UBALD2: variants seen among roughly 807,000 people sequenced by gnomAD.
UBALD2 encodes UBA like domain containing 2, also known as UBA-like domain-containing protein 2.
In UBALD2, 8 loss-of-function variants were observed where a neutral mutation model predicts 15.9. The ratio of observed to expected loss-of-function variants is 0.50; its 90% CI spans 0.29 to 0.91. The LOEUF is 0.91. UBALD2 is among the 40% of genes least tolerant of loss of function. UBALD2 has a pLI of 0.07. For missense variants in UBALD2, 178 were observed against 234.8 expected (o/e 0.76, Z 1.58); for synonymous variants, 113 against 97.7 (o/e 1.16, Z -0.93).
chr17:76,265,566 G>A lies in UBALD2; in HGVS notation c.61G>A (p.Ala21Thr). The A allele has an allele frequency of 3.0e-6, 4 of 1,338,334 alleles. No individual in the cohort carries two copies. The highest frequency in any genetic ancestry group is 1.5e-5 in the South Asian group (1 of 68,322). 82.9% of individuals were successfully genotyped at this position (1,338,334 alleles called of 1,614,324 possible). Residue 21 changes from alanine to threonine, a missense_variant, in exon 1 of 3, where the codon GCG (alanine) becomes ACG (threonine). By Grantham distance (58) the Ala-to-Thr change is moderately conservative. Coordinates refer to ENST00000327490, the MANE Select transcript of UBALD2 (RefSeq NM_182565.4). ...QVMINQFVLA[A>T]GCAADQAKQL... is the part of the protein sequence containing the mutation. Reference sequence around the variant, plus strand: ...CATGATCAACCAGTTCGTGCTGGCCGCGGGCTGCGCGGCCGACCAGGCGAA... The same window carrying A: ...CATGATCAACCAGTTCGTGCTGGCCACGGGCTGCGCGGCCGACCAGGCGAA...
At chr17:76,268,705 G>A (rs992718691) in intron 2 of UBALD2, among the ~76,000 whole-genome samples, 9 of 151,646 alleles carry the variant, frequency 5.9e-5, no homozygotes, top group South Asian at 4.2e-4. Flanking sequence ...CACAACCTCC[G>A]GTTTCTAGCT....
intron 1 of UBALD2, 140 bp downstream of exon 1, chr17:76,265,765 C>T (rs1183574740): frequency 4.4e-6 from 6 of 1,353,596 alleles, no homozygotes; most frequent in Non-Finnish European, 4.8e-6. Context: ...GGGGCCGGGA[C>T]CGGCTCCCCT....
rs1273231461 is a variant in UBALD2, at chr17:76,265,360, G to A, written c.-146G>A. 15 of 846,898 alleles carry A rather than the reference G, an allele frequency of 1.8e-5. No homozygotes were observed. Among genetic ancestry groups the A allele is most frequent in the South Asian group, 5.2e-5 (1 of 19,402 alleles). The allele number at this position is 846,898 out of a possible 1,614,324, so 52.5% of individuals were successfully genotyped here. ...CGGGAGTCGAACCACAACATTCGCCGGGCGGGCGGCGGCGGAGCGGGCGGC... is the reference window on the plus strand; with the variant it reads ...CGGGAGTCGAACCACAACATTCGCCAGGCGGGCGGCGGCGGAGCGGGCGGC... On this transcript the variant is annotated 5_prime_UTR_variant, in exon 1 of 3. Transcript: ENST00000327490.
Position 76,265,899 on chromosome 17 carries a change from G to T in UBALD2, c.121-8G>T. On this transcript the variant is annotated splice_region_variant and splice_polypyrimidine_tract_variant and intron_variant, in intron 1 of 2. Coordinates refer to ENST00000327490, the MANE Select transcript of UBALD2 (RefSeq NM_182565.4). ...GGCCCGCCGTGTCACTGCCCTGTTT[G>T]TCCGCAGACCGCGCTGAGCACGTTC... is the stretch of plus-strand genomic sequence containing the variant. The T allele has an allele frequency of 6.2e-7, 1 of 1,602,666 alleles. No homozygotes were observed. Among genetic ancestry groups the T allele is most frequent in the Non-Finnish European group, 8.5e-7 (1 of 1,175,254 alleles).
In UBALD2 at chr17:76,270,565, A is replaced by T; in HGVS notation, c.*60A>T. Reference sequence around the variant, plus strand: ...GGGCAGCCCAGGGTTGTGGGGACACAGGAGGGCCAGGGAGGGGGGAGCCGG... The same window carrying T: ...GGGCAGCCCAGGGTTGTGGGGACACTGGAGGGCCAGGGAGGGGGGAGCCGG... On this transcript the variant is annotated 3_prime_UTR_variant, in exon 3 of 3. Coordinates refer to ENST00000327490, the MANE Select transcript of UBALD2 (RefSeq NM_182565.4). 4 of 1,311,790 alleles carry T rather than the reference A, an allele frequency of 3.0e-6. No homozygotes were observed. Among genetic ancestry groups the T allele is most frequent in the Non-Finnish European group, 4.0e-6 (4 of 1,008,362 alleles). 81.3% of individuals were successfully genotyped at this position (1,311,790 alleles called of 1,614,324 possible). A position where few individuals can be genotyped will look rare whatever the true frequency, so the allele number is the denominator to read the frequency against.
chr17:76,271,154 ACTGCCCTGGGCGCC>A lies in UBALD2; in HGVS notation c.*656_*669del, dbSNP rs3833086. ...CAGGCTCTGCCCAGCAGGGGACTTGACTGCCCTGGGCGCCCTGCCCCTCCCGCTGCGTGTCCAGG... is the reference window on the plus strand; with the variant it reads ...CAGGCTCTGCCCAGCAGGGGACTTGACTGCCCCTCCCGCTGCGTGTCCAGG... On this transcript the variant is annotated 3_prime_UTR_variant, in exon 3 of 3. Transcript: ENST00000327490. The A allele has an allele frequency of 0.29, 44,129 of 152,070 alleles. 6,905 individuals are homozygous for A. The highest frequency in any genetic ancestry group is 0.6 in the East Asian group (3,108 of 5,170). 9.4% of individuals were successfully genotyped at this position (152,070 alleles called of 1,614,324 possible). A position where few individuals can be genotyped will look rare whatever the true frequency, so the allele number is the denominator to read the frequency against.
chr17:76,266,031 G>A (rs1037279997), intron 2 of UBALD2, 62 bp downstream of exon 2: 3 of 1,512,766 alleles, frequency 2.0e-6, no homozygotes, highest in African/African-American at 2.8e-5. Context: ...TGACAGCCAT[G>A]TTGCCGGGGA....
chr17:76,265,651 G>C, intron 1 of UBALD2, 26 bp downstream of exon 1: 6 of 1,142,864 alleles, frequency 5.2e-6, no homozygotes, highest in Non-Finnish European at 6.4e-6. Flanking sequence ...CCGCGGGGCC[G>C]GGCCGCGGGG....
rs776810111 is a variant in UBALD2 at position 76,270,190 on chromosome 17, G to A, written c.184-4G>A. 20 of 1,611,092 alleles carry A rather than the reference G, an allele frequency of 1.2e-5. No homozygotes were observed. The highest frequency in any genetic ancestry group is 6.6e-5 in the South Asian group (6 of 90,986). On this transcript the variant is annotated splice_region_variant and splice_polypyrimidine_tract_variant and intron_variant, in intron 2 of 2. Coordinates refer to ENST00000327490, the MANE Select transcript of UBALD2 (RefSeq NM_182565.4). ...CCTCCCCACACCCGTGTTCTCTCCC[G>A]CAGATGTGCACTCCCAGCAACACCC...
Position 76,265,366 on chromosome 17 carries a change from G to A in UBALD2, c.-140G>A, listed in dbSNP as rs2070535685. On this transcript the variant is annotated 5_prime_UTR_variant, in exon 1 of 3. Coordinates refer to ENST00000327490, the MANE Select transcript of UBALD2 (RefSeq NM_182565.4). ...TCGAACCACAACATTCGCCGGGCGGGCGGCGGCGGAGCGGGCGGCGGAGCG... is the reference window on the plus strand; with the variant it reads ...TCGAACCACAACATTCGCCGGGCGGACGGCGGCGGAGCGGGCGGCGGAGCG... 1.2e-6 allele frequency: 1 copy of A among 844,626 alleles called. No homozygotes were observed. The highest frequency in any genetic ancestry group is 1.4e-6 in the Non-Finnish European group (1 of 701,730). 52.3% of individuals were successfully genotyped at this position (844,626 alleles called of 1,614,324 possible).
intron 2 of UBALD2, among the ~76,000 whole-genome samples, chr17:76,267,611 C>G (rs969194519): frequency 2.6e-5 from 4 of 151,472 alleles, no homozygotes; most frequent in Admixed American, 2.6e-4. Context: ...GCCTCAGCCT[C>G]CCGAAGTGCT....
Position 76,265,975 on chromosome 17 carries a change from C to T in UBALD2, c.183+6C>T, listed in dbSNP as rs990956571. On this transcript the variant is annotated splice_donor_region_variant and intron_variant, in intron 2 of 2. Transcript: ENST00000327490. Reference sequence around the variant, plus strand: ...GCCACCACCACCACCAGATGGTAAGCGGCGGCGGGCAGGGGCGCGGGCCGG... The same window carrying T: ...GCCACCACCACCACCAGATGGTAAGTGGCGGCGGGCAGGGGCGCGGGCCGG... 6.4e-7 allele frequency: 1 copy of T among 1,572,000 alleles called. No individual in the cohort carries two copies. Among genetic ancestry groups the T allele is most frequent in the Non-Finnish European group, 8.6e-7 (1 of 1,159,960 alleles).
At position 76,271,004 on chromosome 17, in the gene UBALD2, G is replaced by GCT. The variant is rs1330259002; in HGVS notation, c.*505_*506dup. On this transcript the variant is annotated 3_prime_UTR_variant, in exon 3 of 3. Transcript: ENST00000327490. ...TGTGGAAGGCCCTCTTGGTATCAGG[G>GCT]CTCTCTCCCCATGGCCTCTTCCCCA... 6.5e-6 allele frequency: 1 copy of GCT among 152,686 alleles called. No individual in the cohort carries two copies. The highest frequency in any genetic ancestry group is 2.4e-5 in the African/African-American group (1 of 41,450). 9.5% of individuals were successfully genotyped at this position (152,686 alleles called of 1,614,324 possible). A position where few individuals can be genotyped will look rare whatever the true frequency, so the allele number is the denominator to read the frequency against.
Position 76,265,944 on chromosome 17 carries a change from C to G in UBALD2, c.158C>G (p.Pro53Arg). The G allele has an allele frequency of 6.3e-7, 1 of 1,599,190 alleles. No individual in the cohort carries two copies. ...ACGTTCTTCCAAGAAACCAACATTC[C>G]CAACAGCCACCACCACCACCAGATG... ...LSTFFQETNI[P>R]NSHHHHQMMC... Residue 53 changes from proline (P) to arginine (R), a missense_variant, in exon 2 of 3, where the codon CCC becomes CGC. Transcript: ENST00000327490.
In UBALD2 at chr17:76,270,729, T is replaced by C. The variant is rs2070581452; in HGVS notation, c.*224T>C. On this transcript the variant is annotated 3_prime_UTR_variant, in exon 3 of 3. Coordinates refer to ENST00000327490, the MANE Select transcript of UBALD2 (RefSeq NM_182565.4). ...GCAAGTTTTTCCTCTGTTTTTAATA[T>C]ATAACTATAATATATATGAATAGAT... The C allele has an allele frequency of 2.2e-6, 1 of 455,080 alleles. No homozygotes were observed. The highest frequency in any genetic ancestry group is 3.8e-6 in the Non-Finnish European group (1 of 261,218). The allele number at this position is 455,080 out of a possible 1,614,324, so 28.2% of individuals were successfully genotyped here. A position where few individuals can be genotyped will look rare whatever the true frequency, so the allele number is the denominator to read the frequency against.
rs1361695958 is a variant in UBALD2, at chr17:76,265,460, C to T, written c.-46C>T. 1 of 1,017,646 alleles carries T rather than the reference C, an allele frequency of 9.8e-7. No individual in the cohort carries two copies. Among genetic ancestry groups the T allele is most frequent in the Non-Finnish European group, 1.2e-6 (1 of 851,666 alleles). The allele number at this position is 1,017,646 out of a possible 1,614,324, so 63.0% of individuals were successfully genotyped here. ...GGCCTCCCGCGCCCGCGCAGCCCCG[C>T]GTCTGCGTCCGGCCGGAGACGCCGG... On this transcript the variant is annotated 5_prime_UTR_variant, in exon 1 of 3. Coordinates refer to ENST00000327490, the MANE Select transcript of UBALD2 (RefSeq NM_182565.4).
chr17:76,265,882 G>T, intron 1 of UBALD2, 25 bp from the exon 2 acceptor site: 1 of 1,595,966 alleles, frequency 6.3e-7, no homozygotes. Flanking sequence ...CTGGCCCGCC[G>T]TGTCACTGCC....
intron 1 of UBALD2, 107 bp from the exon 2 acceptor site, chr17:76,265,800 G>A: frequency 1.4e-6 from 2 of 1,467,270 alleles, no homozygotes; most frequent in Non-Finnish European, 9.2e-7. Context: ...GCCGAGGGTC[G>A]GGGGCCGCGG....
intron 2 of UBALD2, among the ~76,000 whole-genome samples, chr17:76,268,487 G>T (rs1440283394): frequency 7.4e-5 from 9 of 121,314 alleles, no homozygotes; most frequent in Admixed American, 6.1e-4. Flanking sequence ...TCCCCAGAGG[G>T]TGGGGGGGGG....
Sources: allele counts gnomAD v4.1 joint callset (sites outside exome capture counted in the v4.1 genomes callset), GRCh38; gene constraint gnomAD v4.1.1; transcripts MANE v1.5; gene names NCBI Gene and HGNC (gene_info 2026-07-23, HGNC 2026-07-21).